SMC6: variants seen among roughly 807,000 people sequenced by gnomAD.
SMC6 encodes the protein structural maintenance of chromosomes protein 6.
A neutral mutation model predicts 142.2 loss-of-function variants in SMC6; 79 were observed. The observed-to-expected ratio is 0.56, with a 90% CI of 0.46 to 0.67. SMC6 has a LOEUF of 0.67. Among genes scored for constraint, SMC6 ranks in the 30% least tolerant of loss-of-function variants. The probability of loss-of-function intolerance (pLI) is 0.00; values close to 1 mark genes in which losing one functional copy is unlikely to be tolerated. For synonymous variants in SMC6, 411 were observed against 412.4 expected (o/e 1.00, Z 0.04); for missense variants, 1,072 against 1,284.0 (o/e 0.83, Z 2.52).
At chr2:17,709,774 C>T (rs890598829) in intron 16 of SMC6, among the ~76,000 whole-genome samples, 2 of 151,858 alleles carry the variant, frequency 1.3e-5, no homozygotes, top group African/African-American at 2.4e-5. Context: ...CAAAAAAAGA[C>T]GAGAAAAAGC....
intron 25 of SMC6, among the ~76,000 whole-genome samples, chr2:17,677,998 C>A (rs1667076090): frequency 6.6e-6 from 1 of 151,986 alleles, no homozygotes; most frequent in Admixed American, 6.6e-5. Flanking sequence ...TTGTTCCTGA[C>A]CTCCTGGCTA....
At chr2:17,748,255 A>G (rs1321742235) in intron 2 of SMC6, among the ~76,000 whole-genome samples, 1 of 152,242 alleles carries the variant, frequency 6.6e-6, no homozygotes, top group Non-Finnish European at 1.5e-5. Flanking sequence ...ACCCTAGAGC[A>G]AGTGAATCAG....
At chr2:17,702,262 G>C (rs11685745) in intron 19 of SMC6, among the ~76,000 whole-genome samples, 77,885 of 152,002 alleles carry the variant, frequency 0.51, 22,654 homozygotes, top group African/African-American at 0.78. Context: ...ATCCAAGTAA[G>C]CTGTGGGGGT....
intron 18 of SMC6, among the ~76,000 whole-genome samples, chr2:17,705,299 G>A (rs1214660541): frequency 6.6e-6 from 1 of 151,292 alleles, no homozygotes; most frequent in Non-Finnish European, 1.5e-5. Flanking sequence ...TTGCCAGGCT[G>A]GGTGCGGTGG....
chr2:17,723,515 T>C (rs984572391), intron 9 of SMC6, among the ~76,000 whole-genome samples: 6 of 152,194 alleles, frequency 3.9e-5, no homozygotes, highest in South Asian at 2.1e-4. Flanking sequence ...AACCATGCTA[T>C]CTCTTAGAAC....
intron 25 of SMC6, among the ~76,000 whole-genome samples, chr2:17,672,705 A>G (rs745646018): frequency 6.6e-5 from 10 of 152,204 alleles, no homozygotes; most frequent in African/African-American, 9.6e-5. Flanking sequence ...TATATACACT[A>G]TGTACATCCT....
At chr2:17,688,401 C>A (rs1667555776) in intron 23 of SMC6, among the ~76,000 whole-genome samples, 1 of 150,928 alleles carries the variant, frequency 6.6e-6, no homozygotes, top group South Asian at 2.1e-4. Context: ...AAAGATGGAA[C>A]AATTTAAATC....
At chr2:17,695,876 C>A (rs1667961963) in intron 22 of SMC6, among the ~76,000 whole-genome samples, 1 of 152,166 alleles carries the variant, frequency 6.6e-6, no homozygotes, top group Non-Finnish European at 1.5e-5. Context: ...TTATTCTCCT[C>A]TAAACACCGG....
rs2710673 is a variant in SMC6, at chr2:17,664,029, A to G, written c.*1470T>C. On this transcript the variant is annotated 3_prime_UTR_variant, in exon 28 of 28. Coordinates refer to ENST00000448223, the MANE Select transcript of SMC6 (RefSeq NM_001142286.2). ...GGGATACCTGAGGATTATGTTTCCC[A>G]TTCTGTATGAAAGAGCACAACATTC... is the stretch of plus-strand genomic sequence containing the variant. 120,270 of 152,194 alleles carry G rather than the reference A, an allele frequency of 0.79. 49,396 individuals carry two copies. The highest frequency in any genetic ancestry group is 0.92 in the Middle Eastern group (271 of 294). 9.4% of individuals were successfully genotyped at this position (152,194 alleles called of 1,614,324 possible). A position where few individuals can be genotyped will look rare whatever the true frequency, so the allele number is the denominator to read the frequency against.
At chr2:17,696,566 T>A (rs1444743551) in intron 21 of SMC6, 140 bp from the exon 22 acceptor site, 10 of 787,442 alleles carry the variant, frequency 1.3e-5, no homozygotes, top group Non-Finnish European at 1.4e-5. Context: ...TGTGTCTGAA[T>A]AGAAGTGAGG....
chr2:17,712,581 G>A (rs1668881460), intron 16 of SMC6, among the ~76,000 whole-genome samples: 2 of 152,128 alleles, frequency 1.3e-5, no homozygotes, highest in Admixed American at 1.3e-4. Context: ...CTCCTTACGA[G>A]CTAGGCATCT....
intron 23 of SMC6, among the ~76,000 whole-genome samples, chr2:17,684,034 G>A (rs540354127): frequency 9.5e-4 from 145 of 152,264 alleles, no homozygotes; most frequent in Non-Finnish European, 1.4e-3. Context: ...CCCTGGTACG[G>A]CCTAGAGGTG....
intron 17 of SMC6, 34 bp from the exon 18 acceptor site, chr2:17,707,413 C>T (rs376385975): frequency 3.4e-5 from 47 of 1,372,224 alleles, no homozygotes; most frequent in Non-Finnish European, 3.9e-5. Flanking sequence ...TTTTTTAAGA[C>T]GATGTGAAAA....
chr2:17,692,326 C>G (rs1667770960), intron 23 of SMC6, among the ~76,000 whole-genome samples: 2 of 152,122 alleles, frequency 1.3e-5, no homozygotes, highest in Non-Finnish European at 2.9e-5. Context: ...CTACAGTAAC[C>G]AAAACAGCAT....
chr2:17,671,204 G>A (rs1195501543), intron 25 of SMC6, among the ~76,000 whole-genome samples: 2 of 151,900 alleles, frequency 1.3e-5, no homozygotes, highest in Admixed American at 1.3e-4. Context: ...ATTTAAAAGT[G>A]CTGAGATTTT....
chr2:17,714,198 C>G (rs144483971), intron 16 of SMC6, among the ~76,000 whole-genome samples: 1 of 151,434 alleles, frequency 6.6e-6, no homozygotes, highest in African/African-American at 2.4e-5. Context: ...TAGGCTCAAG[C>G]GATTCTCCCA....
intron 2 of SMC6, among the ~76,000 whole-genome samples, chr2:17,749,326 C>T (rs1338192902): frequency 6.6e-6 from 1 of 152,030 alleles, no homozygotes; most frequent in African/African-American, 2.4e-5. Flanking sequence ...AATTAAAGAA[C>T]ACCTCATTTC....
intron 23 of SMC6, among the ~76,000 whole-genome samples, chr2:17,685,647 T>C (rs564959819): frequency 3.6e-4 from 55 of 151,430 alleles, no homozygotes; most frequent in Admixed American, 1.1e-3. Flanking sequence ...ATAGAAGTAC[T>C]AAAAAATCAT....
intron 23 of SMC6, among the ~76,000 whole-genome samples, chr2:17,690,992 G>A (rs565800246): frequency 1.1e-3 from 160 of 151,458 alleles, no homozygotes; most frequent in African/African-American, 3.6e-3. Context: ...AAAATAATGC[G>A]CATTCACTTA....
Sources: allele counts gnomAD v4.1 joint callset (sites outside exome capture counted in the v4.1 genomes callset), GRCh38; gene constraint gnomAD v4.1.1; transcripts MANE v1.5; gene names NCBI Gene and HGNC (gene_info 2026-07-23, HGNC 2026-07-21).